Variants in MGAT4A observed in about 807,000 individuals in gnomAD.
The protein encoded by MGAT4A is N-acetylglucosaminyltransferase IVa.
MGAT4A carries 33 observed loss-of-function variants against 74.1 expected under a neutral mutation model. The observed-to-expected ratio is 0.45, with a 90% CI of 0.34 to 0.60. MGAT4A has a LOEUF of 0.60. Ranked by LOEUF, MGAT4A falls within the 20% of genes least tolerant of loss-of-function variation. The pLI is 0.02. For missense variants in MGAT4A, 479 were observed against 628.3 expected, an observed-to-expected ratio of 0.76 and a Z score of 2.54; for synonymous variants, 198 against 210.4, an observed-to-expected ratio of 0.94 and a Z score of 0.51.
chr2:98,690,759 A>G (rs1702184660), intron 2 of MGAT4A, among the ~76,000 whole-genome samples: 1 of 152,244 alleles, frequency 6.6e-6, no homozygotes, highest in Non-Finnish European at 1.5e-5. Flanking sequence ...GGTACATTAA[A>G]CAAATTTTTA....
intron 4 of MGAT4A, among the ~76,000 whole-genome samples, chr2:98,671,345 C>T (rs1701908528): frequency 6.6e-6 from 1 of 152,160 alleles, no homozygotes; most frequent in African/African-American, 2.4e-5. Flanking sequence ...CAAATGTGAT[C>T]TCTGTAAAAT....
At chr2:98,697,942 A>G (rs2104310113) in intron 2 of MGAT4A, among the ~76,000 whole-genome samples, 1 of 152,360 alleles carries the variant, frequency 6.6e-6, no homozygotes. Flanking sequence ...GATTAGAAAG[A>G]GAGCGAATGT....
intron 2 of MGAT4A, among the ~76,000 whole-genome samples, chr2:98,719,192 C>G (rs1017940562): frequency 2.0e-5 from 3 of 152,242 alleles, no homozygotes; most frequent in Non-Finnish European, 2.9e-5. Context: ...ATATCGGACA[C>G]TGACCTTAGA....
intron 1 of MGAT4A, among the ~76,000 whole-genome samples, chr2:98,729,425 C>T (rs1702812382): frequency 6.6e-6 from 1 of 152,136 alleles, no homozygotes; most frequent in Non-Finnish European, 1.5e-5. Context: ...CACAGGCTGG[C>T]TTGTAAGACA....
intron 2 of MGAT4A, among the ~76,000 whole-genome samples, chr2:98,682,773 C>G (rs929671955): frequency 2.0e-5 from 3 of 152,032 alleles, no homozygotes; most frequent in African/African-American, 7.2e-5. Flanking sequence ...CGGACACATC[C>G]AAATTGGGGG....
intron 2 of MGAT4A, among the ~76,000 whole-genome samples, chr2:98,698,651 T>C (rs780799527): frequency 6.6e-6 from 1 of 152,084 alleles, no homozygotes; most frequent in Non-Finnish European, 1.5e-5. Context: ...CCTACTTAAC[T>C]CTCCAACATG....
rs1188402404 is a variant in MGAT4A at position 98,635,216 on chromosome 2, T to G, written c.1468+6A>C. 1 of 1,597,598 alleles carries G rather than the reference T, an allele frequency of 6.3e-7. No individual in the cohort carries two copies. The highest frequency in any genetic ancestry group is 8.6e-7 in the Non-Finnish European group (1 of 1,169,530). On this transcript the variant is annotated splice_donor_region_variant and intron_variant, in intron 14 of 15. Transcript: ENST00000393487. ...ATAAAGGCCATTTTACTAAAGTAGATATTACCTATTCTGAAATAGCCATCT... is the reference window on the plus strand; with the variant it reads ...ATAAAGGCCATTTTACTAAAGTAGAGATTACCTATTCTGAAATAGCCATCT...
chr2:98,652,489 G>A (rs1701595676), intron 8 of MGAT4A, among the ~76,000 whole-genome samples: 1 of 151,826 alleles, frequency 6.6e-6, no homozygotes, highest in Non-Finnish European at 1.5e-5. Context: ...CCGCCACCAC[G>A]CCCGGCTAAT....
At chr2:98,625,870 CGA>C in intron 14 of MGAT4A, 35 bp from the exon 15 acceptor site, 1 of 1,447,080 alleles carries the variant, frequency 6.9e-7, no homozygotes, top group Non-Finnish European at 9.6e-7. Context: ...TTGGATACAC[CGA>C]GATAAGCAAA....
intron 13 of MGAT4A, 48 bp downstream of exon 13, chr2:98,636,469 T>C (rs1397602169): frequency 7.3e-7 from 1 of 1,369,082 alleles, no homozygotes; most frequent in Non-Finnish European, 1.0e-6. Flanking sequence ...AAGCTAAGTC[T>C]ACTAGTATTA....
intron 8 of MGAT4A, among the ~76,000 whole-genome samples, chr2:98,646,379 C>G (rs1296703316): frequency 6.6e-6 from 1 of 151,986 alleles, no homozygotes; most frequent in South Asian, 2.1e-4. Context: ...ATAGGAAATG[C>G]GCAAGATGTG....
In MGAT4A at chr2:98,726,257, T is replaced by C. The variant is rs1000786564; in HGVS notation, c.76A>G (p.Thr26Ala). The change falls in exon 2 of 16, where the codon ACA (threonine) becomes GCA (alanine). Residue 26 changes from threonine to alanine, a missense_variant. By Grantham distance (58) the Thr-to-Ala change is moderately conservative. Around this residue, in one of 3 missense-constraint regions of MGAT4A, gnomAD observed 205 missense variants for 232.7 expected, o/e 0.88. Coordinates refer to ENST00000393487, the MANE Select transcript of MGAT4A (RefSeq NM_012214.3). ...TCCTTACCTTTCCCATTTTGCCATG[T>C]AGTATACCAAGACAAAGTAAGGAAG... ...TSFLTLSWYT[T>A]WQNGKEKLIA... The C allele has an allele frequency of 3.8e-5, 61 of 1,613,602 alleles. No homozygotes were observed. Among genetic ancestry groups the C allele is most frequent in the Non-Finnish European group, 5.0e-5 (59 of 1,179,646 alleles).
intron 4 of MGAT4A, among the ~76,000 whole-genome samples, chr2:98,674,403 C>A (rs1294588822): frequency 6.6e-6 from 1 of 152,218 alleles, no homozygotes; most frequent in African/African-American, 2.4e-5. Context: ...GCTGCTTGCT[C>A]AAGCCCACTT....
Position 98,619,371 on chromosome 2 carries a change from A to G in MGAT4A, c.*6195T>C, listed in dbSNP as rs1701011172. 1 of 152,150 alleles carries G rather than the reference A, an allele frequency of 6.6e-6. No homozygotes were observed. Among genetic ancestry groups the G allele is most frequent in the Non-Finnish European group, 1.5e-5 (1 of 68,018 alleles). 9.4% of individuals were successfully genotyped at this position (152,150 alleles called of 1,614,324 possible). On this transcript the variant is annotated 3_prime_UTR_variant, in exon 16 of 16. Coordinates refer to ENST00000393487, the MANE Select transcript of MGAT4A (RefSeq NM_012214.3). ...ACATTTTAAGGAAAATATATACAAT[A>G]CATTTAAGAAAAAAAAAAATCTGGT...
intron 10 of MGAT4A, among the ~76,000 whole-genome samples, chr2:98,643,665 T>TA (rs1701446039): frequency 6.6e-6 from 1 of 152,224 alleles, no homozygotes; most frequent in African/African-American, 2.4e-5. Context: ...CCAATGTTAG[T>TA]AAACCACCAG....
intron 2 of MGAT4A, among the ~76,000 whole-genome samples, chr2:98,724,632 T>C (rs1702734790): frequency 6.6e-6 from 1 of 152,206 alleles, no homozygotes; most frequent in Non-Finnish European, 1.5e-5. Context: ...ATTTTCATTC[T>C]AAAGACAGCT....
At chr2:98,653,563 T>C (rs925249596) in intron 8 of MGAT4A, among the ~76,000 whole-genome samples, 2 of 152,098 alleles carry the variant, frequency 1.3e-5, no homozygotes, top group Non-Finnish European at 2.9e-5. Flanking sequence ...TGCCAACAAA[T>C]TGGATAATCT....
intron 3 of MGAT4A, 36 bp downstream of exon 3, chr2:98,678,267 TA>T: frequency 3.7e-6 from 2 of 538,094 alleles, no homozygotes. Flanking sequence ...TATATATATA[TA>T]AAATCTTTTT....
chr2:98,637,800 T>A (rs1271283770), intron 12 of MGAT4A, among the ~76,000 whole-genome samples: 1 of 152,140 alleles, frequency 6.6e-6, no homozygotes, highest in South Asian at 2.1e-4. Flanking sequence ...CCCATCTACC[T>A]CAGAGGACTG....
Sources: gnomAD v4.1 joint callset for allele counts (sites outside exome capture counted in the v4.1 genomes callset) on GRCh38, gnomAD v4.1.1 for gene constraint, gnomAD v4.1.1 regional missense constraint, MANE v1.5 for transcripts, NCBI Gene and HGNC (gene_info 2026-07-23, HGNC 2026-07-21) for gene names.